The following OVCH1 variants were observed in gnomAD, a reference collection of about 807,000 sequenced individuals.
OVCH1 encodes the protein ovochymase 1, also known as ovochymase-1.
OVCH1 carries 139 observed loss-of-function variants against 138.4 expected under a neutral mutation model. That is an observed-to-expected ratio of 1.00 (90% CI 0.87 to 1.16). The LOEUF (loss-of-function observed/expected upper bound fraction) is 1.16. OVCH1 is among the 50% of genes most tolerant of loss of function. OVCH1 has a pLI of 0.00. For synonymous variants in OVCH1, 453 were observed against 467.8 expected (o/e 0.97, Z 0.41); for missense variants, 1,367 against 1,357.9 (o/e 1.01, Z -0.11).
At chr12:29,496,670 C>T in exon 2 of OVCH1, 1 of 1,606,554 alleles carries the variant, frequency 6.2e-7, no homozygotes, top group Non-Finnish European at 8.5e-7. Context: ...TTCCACACTT[C>T]AGTCCTGTGT....
At chr12:29,470,559 T>C (rs2136003398) in intron 16 of OVCH1, among the ~76,000 whole-genome samples, 1 of 152,350 alleles carries the variant, frequency 6.6e-6, no homozygotes, top group East Asian at 1.9e-4. Context: ...CATTCTTTTT[T>C]ATGATTGCAT....
intron 4 of OVCH1, among the ~76,000 whole-genome samples, chr12:29,492,430 C>A (rs927632422): frequency 6.6e-6 from 1 of 151,846 alleles, no homozygotes; most frequent in East Asian, 1.9e-4. Context: ...AGTGGAGAAC[C>A]ATTGAAGTGG....
chr12:29,465,854 C>T (rs1942297104), intron 16 of OVCH1, among the ~76,000 whole-genome samples: 1 of 151,880 alleles, frequency 6.6e-6, no homozygotes, highest in South Asian at 2.1e-4. Flanking sequence ...ACCCAAACAT[C>T]CATCAATGAT....
chr12:29,410,450 G>T (rs1940940277), downstream of OVCH1, among the ~76,000 whole-genome samples: 1 of 151,074 alleles, frequency 6.6e-6, no homozygotes, highest in Non-Finnish European at 1.5e-5. Context: ...GCTGATACCG[G>T]TTGTTCCTTT....
chr12:29,485,435 G>A (rs1943064993), intron 8 of OVCH1, among the ~76,000 whole-genome samples: 1 of 151,146 alleles, frequency 6.6e-6, no homozygotes, highest in South Asian at 2.1e-4. Context: ...GAGGTCAGGA[G>A]TTCGAGACCA....
intron 19 of OVCH1, 158 bp downstream of exon 19, chr12:29,461,696 A>T: frequency 1.1e-6 from 1 of 938,456 alleles, no homozygotes; most frequent in Non-Finnish European, 1.7e-6. Context: ...CGGATTAATT[A>T]ACTTATTACT....
intron 12 of OVCH1, among the ~76,000 whole-genome samples, chr12:29,476,754 C>CAT (rs1555151659): frequency 7.9e-4 from 7 of 8,806 alleles, no homozygotes; most frequent in African/African-American, 9.7e-4. Context: ...TACACACGCG[C>CAT]GCACACACAC....
At chr12:29,446,497 C>G (rs1188618970) in intron 22 of OVCH1, among the ~76,000 whole-genome samples, 1 of 152,042 alleles carries the variant, frequency 6.6e-6, no homozygotes, top group African/African-American at 2.4e-5. Context: ...CTATTACAGT[C>G]TTGCTCTTAT....
chr12:29,454,057 A>T (rs1941873994), intron 21 of OVCH1, among the ~76,000 whole-genome samples: 2 of 152,072 alleles, frequency 1.3e-5, no homozygotes. Flanking sequence ...ACAGGCTCCG[A>T]TCTCCATCTA....
intron 11 of OVCH1, 21 bp downstream of exon 11, chr12:29,477,320 T>C (rs1439648371): frequency 6.2e-7 from 1 of 1,613,724 alleles, no homozygotes; most frequent in East Asian, 2.2e-5. Flanking sequence ...TGGCAAGGAA[T>C]TAAATACCTG....
rs185245891 is a variant in OVCH1 at position 29,466,437 on chromosome 12, C to T, written c.1857-1218G>A. On this transcript the variant is annotated intron_variant, in intron 16 of 27. Transcript: ENST00000318184. ...AGCTTCTGGTCTATATTTTACTGTT[C>T]AACATTGCCGAATTATGATCTCACT... Among the ~76,000 whole-genome samples, 20 of 142,014 alleles carry T rather than the reference C, an allele frequency of 1.4e-4. No individual in the cohort carries two copies. In the East Asian group the frequency reaches 3.9e-3, roughly 28 times the overall value. 93.2% of individuals were successfully genotyped at this position (142,014 alleles called of 152,430 possible). A position where few individuals can be genotyped will look rare whatever the true frequency, so the allele number is the denominator to read the frequency against.
exon 26 of OVCH1, chr12:29,439,350 A>C: frequency 1.3e-6 from 2 of 1,554,484 alleles, no homozygotes; most frequent in Non-Finnish European, 1.7e-6. Context: ...CCATATATGC[A>C]TGATATATGT....
At chr12:29,462,826 A>G (rs1008742739) in intron 18 of OVCH1, among the ~76,000 whole-genome samples, 50 of 152,292 alleles carry the variant, frequency 3.3e-4, no homozygotes, top group African/African-American at 1.1e-3. Flanking sequence ...CTTACGGGAC[A>G]GAACTAGGAT....
intron 8 of OVCH1, among the ~76,000 whole-genome samples, chr12:29,479,574 T>G (rs183038032): frequency 6.6e-6 from 1 of 152,186 alleles, no homozygotes; most frequent in Non-Finnish European, 1.5e-5. Flanking sequence ...TAGTGGGCCA[T>G]AAATCCTAGC....
At chr12:29,487,651 C>T (rs778346926) in intron 7 of OVCH1, 42 bp downstream of exon 7, 14 of 1,517,718 alleles carry the variant, frequency 9.2e-6, no homozygotes, top group Non-Finnish European at 1.3e-5. Context: ...AGAGTAACTA[C>T]CCTTGAGTTA....
In OVCH1 at chr12:29,415,798, G is replaced by A. The variant is rs575427149; in HGVS notation, c.*72-3073C>T. 7.4e-4 allele frequency among the ~76,000 whole-genome samples: 112 copies of A among 152,210 alleles called. 2 individuals are homozygous for A. The highest frequency in any genetic ancestry group is 1.4e-3 in the Non-Finnish European group (93 of 67,990). On this transcript the variant is annotated intron_variant and NMD_transcript_variant, in intron 3 of 4. Coordinates refer to the OVCH1 transcript ENST00000539117. ...GCAAGGGCTGTTGTAGACATAGCAA[G>A]CTTATTTTAAAATTTATACGAGAAA...
chr12:29,475,052 T>C lies in OVCH1; in HGVS notation c.1600+9A>G. On this transcript the variant is annotated intron_variant, in intron 14 of 27. Coordinates refer to ENST00000318184, the Ensembl canonical transcript of OVCH1. ...CAAAAGTCCTTATTACACAAATGTTTATACTCACCTGAGGGCAAAATGGTA... is the reference window on the plus strand; with the variant it reads ...CAAAAGTCCTTATTACACAAATGTTCATACTCACCTGAGGGCAAAATGGTA... 1 of 1,579,002 alleles carries C rather than the reference T, an allele frequency of 6.3e-7. No individual in the cohort carries two copies. Among genetic ancestry groups the C allele is most frequent in the South Asian group, 1.2e-5 (1 of 86,064 alleles).
chr12:29,440,643 A>G lies in OVCH1; in HGVS notation c.3158-1209T>C, dbSNP rs76746164. 1.7e-3 allele frequency: 780 copies of G among 447,790 alleles called. 7 individuals carry two copies. Among genetic ancestry groups the G allele is most frequent in the African/African-American group, 0.014 (693 of 49,662 alleles). The allele number at this position is 447,790 out of a possible 1,614,324, so 27.7% of individuals were successfully genotyped here. On this transcript the variant is annotated intron_variant, in intron 25 of 27. Transcript: ENST00000318184. ...TAGGGCAAGAAAGATAGAAGTATAC[A>G]TCATTTTCATAGATACTGCAGTCTC...
At position 29,439,889 on chromosome 12, in the gene OVCH1, G is replaced by T. The variant is rs142546296; in HGVS notation, c.3158-455C>A. Among the ~76,000 whole-genome samples, 5 of 152,294 alleles carry T rather than the reference G, an allele frequency of 3.3e-5. No homozygotes were observed. In the East Asian group the frequency reaches 9.6e-4, roughly 29 times the overall value. ...TATTTATTACAAAGGATATAATTCA[G>T]GAACAGTCCAATGAAAGATGTATAG... is the stretch of plus-strand genomic sequence containing the variant. On this transcript the variant is annotated intron_variant, in intron 25 of 27. Transcript: ENST00000318184.
Sources: gnomAD v4.1 joint callset for allele counts (sites outside exome capture counted in the v4.1 genomes callset) on GRCh38, gnomAD v4.1.1 for gene constraint, MANE v1.5 for transcripts, NCBI Gene and HGNC (gene_info 2026-07-23, HGNC 2026-07-21) for gene names.